CHSY3: variants seen among roughly 807,000 people sequenced by gnomAD.
CHSY3 encodes the protein chondroitin sulfate synthase 3.
CHSY3 carries 35 observed loss-of-function variants against 67.2 expected under a neutral mutation model. The observed-to-expected ratio is 0.52, with a 90% CI of 0.40 to 0.69. The LOEUF is 0.69. Among genes scored for constraint, CHSY3 ranks in the 30% least tolerant of loss-of-function variants. The probability of loss-of-function intolerance (pLI) is 0.00; values close to 1 mark genes in which losing one functional copy is unlikely to be tolerated. For synonymous variants in CHSY3, 474 were observed against 434.7 expected (o/e 1.09, Z -1.12); for missense variants, 1,069 against 1,138.5 (o/e 0.94, Z 0.88).
chr5:130,032,943 C>G (rs1764744133), intron 2 of CHSY3, among the ~76,000 whole-genome samples: 1 of 152,138 alleles, frequency 6.6e-6, no homozygotes, highest in Admixed American at 6.6e-5. Context: ...TAGACAAGTC[C>G]CATGTTGTGG....
chr5:129,950,053 A>G (rs1438062821), intron 2 of CHSY3, among the ~76,000 whole-genome samples: 1 of 151,810 alleles, frequency 6.6e-6, no homozygotes, highest in Non-Finnish European at 1.5e-5. Context: ...AGTCTCAGCT[A>G]CTCAGGAGGC....
intron 2 of CHSY3, among the ~76,000 whole-genome samples, chr5:129,931,209 A>G (rs1449310335): frequency 6.6e-6 from 1 of 152,078 alleles, no homozygotes; most frequent in African/African-American, 2.4e-5. Context: ...TTGTCCTACA[A>G]CCATTTGTGC....
At chr5:130,004,355 C>A (rs1203817561) in intron 2 of CHSY3, among the ~76,000 whole-genome samples, 1 of 152,114 alleles carries the variant, frequency 6.6e-6, no homozygotes, top group Non-Finnish European at 1.5e-5. Flanking sequence ...TCAACGTTTA[C>A]AATTTTTATA....
intron 2 of CHSY3, among the ~76,000 whole-genome samples, chr5:130,118,079 C>T (rs1390002054): frequency 6.6e-6 from 1 of 152,124 alleles, no homozygotes; most frequent in East Asian, 1.9e-4. Flanking sequence ...GACATGCCTG[C>T]TCCCTCTTCA....
intron 2 of CHSY3, among the ~76,000 whole-genome samples, chr5:129,967,696 C>T (rs1048812594): frequency 1.3e-5 from 2 of 151,758 alleles, no homozygotes; most frequent in African/African-American, 4.8e-5. Flanking sequence ...ATTAATTATA[C>T]AGAAGACGGT....
chr5:129,936,450 G>A (rs1761495468), intron 2 of CHSY3, among the ~76,000 whole-genome samples: 1 of 152,046 alleles, frequency 6.6e-6, no homozygotes, highest in Non-Finnish European at 1.5e-5. Flanking sequence ...AAGTGCCACT[G>A]CAAGGGCACT....
intron 2 of CHSY3, among the ~76,000 whole-genome samples, chr5:129,989,147 G>A (rs1763285081): frequency 6.6e-6 from 1 of 152,114 alleles, no homozygotes; most frequent in African/African-American, 2.4e-5. Flanking sequence ...TGACGGTTCT[G>A]GTGGCTGGAA....
intron 2 of CHSY3, among the ~76,000 whole-genome samples, chr5:130,159,313 C>T (rs1043032351): frequency 1.3e-5 from 2 of 151,586 alleles, no homozygotes; most frequent in African/African-American, 4.9e-5. Flanking sequence ...TACAGGCGTG[C>T]GCCACCACAC....
intron 2 of CHSY3, among the ~76,000 whole-genome samples, chr5:129,990,359 A>C (rs977394826): frequency 7.9e-6 from 1 of 127,380 alleles, no homozygotes; most frequent in Admixed American, 8.9e-5. Context: ...AATGGGGCTG[A>C]AGTGGTGTGA....
At chr5:130,001,358 A>T in intron 2 of CHSY3, 1 of 825,300 alleles carries the variant, frequency 1.2e-6, no homozygotes, top group Non-Finnish European at 1.5e-6. Context: ...CTTTCATTTT[A>T]AAATTCTTCT....
rs375121059 is a variant in CHSY3 at position 130,086,318 on chromosome 5, G to T, written c.1087-97911G>T. ...CCTGTATTGGGTGCATATATATTTA[G>T]GATAGTTAGCTCTTCTTGTTGAATT... On this transcript the variant is annotated intron_variant, in intron 2 of 2. Transcript: ENST00000305031. Among the ~76,000 whole-genome samples the T allele has an allele frequency of 1.7e-4, 26 of 152,040 alleles. No homozygotes were observed. In the East Asian group the frequency reaches 2.1e-3, roughly 12 times the overall value.
At chr5:130,054,121 T>C (rs1440611341) in intron 2 of CHSY3, among the ~76,000 whole-genome samples, 2 of 152,188 alleles carry the variant, frequency 1.3e-5, no homozygotes, top group Non-Finnish European at 2.9e-5. Context: ...TTTCACGCTT[T>C]GTATCTCTTG....
rs543548988 is a variant in CHSY3, at chr5:130,027,459, A to T, written c.1086+119099A>T. On this transcript the variant is annotated intron_variant, in intron 2 of 2. Transcript: ENST00000305031. ...GATGCATAATTGTTTTTTACATCTT[A>T]ATATATATTTTTTAATTTTATTCTT... Among the ~76,000 whole-genome samples, 44 of 152,148 alleles carry T rather than the reference A, an allele frequency of 2.9e-4. 1 individual carries two copies. The South Asian group carries it at 8.5e-3, about 29-fold the overall frequency.
intron 2 of CHSY3, among the ~76,000 whole-genome samples, chr5:129,930,128 G>C (rs1256463432): frequency 6.6e-6 from 1 of 152,074 alleles, no homozygotes; most frequent in Non-Finnish European, 1.5e-5. Flanking sequence ...GAGATCAGGA[G>C]TTGAGACCAT....
At chr5:129,969,304 A>G (rs1762566943) in intron 2 of CHSY3, among the ~76,000 whole-genome samples, 1 of 151,850 alleles carries the variant, frequency 6.6e-6, no homozygotes, top group African/African-American at 2.4e-5. Flanking sequence ...GCATATTCCA[A>G]TATGTTTAAA....
At position 129,904,792 on chromosome 5, in the gene CHSY3, C is replaced by G; in HGVS notation, c.-38C>G. On this transcript the variant is annotated 5_prime_UTR_variant, in exon 1 of 3. Transcript: ENST00000305031. ...GCCGGGGAAACCGCGTGCCGCGCCG[C>G]GACAGCCCAGCGAGCGTCCGCGCCC... The G allele has an allele frequency of 7.6e-7, 1 of 1,320,086 alleles. No individual in the cohort carries two copies. Among genetic ancestry groups the G allele is most frequent in the Non-Finnish European group, 9.7e-7 (1 of 1,035,302 alleles). 81.8% of individuals were successfully genotyped at this position (1,320,086 alleles called of 1,614,324 possible).
At chr5:130,022,916 C>T (rs1764434344) in intron 2 of CHSY3, among the ~76,000 whole-genome samples, 1 of 151,710 alleles carries the variant, frequency 6.6e-6, no homozygotes, top group Non-Finnish European at 1.5e-5. Context: ...TTTAATTCAC[C>T]TAAAATTCGG....
intron 2 of CHSY3, among the ~76,000 whole-genome samples, chr5:129,972,779 T>C (rs1218649135): frequency 6.6e-6 from 1 of 152,102 alleles, no homozygotes; most frequent in Non-Finnish European, 1.5e-5. Context: ...TTTATTTCTT[T>C]TCAAATATCT....
At chr5:130,181,996 G>GTATATA (rs139517065) in intron 2 of CHSY3, among the ~76,000 whole-genome samples, 1 of 150,122 alleles carries the variant, frequency 6.7e-6, no homozygotes, top group Admixed American at 6.7e-5. Flanking sequence ...GTGTATGTAT[G>GTATATA]TATATATATA....
Sources: gnomAD v4.1 joint callset for allele counts (sites outside exome capture counted in the v4.1 genomes callset) on GRCh38, gnomAD v4.1.1 for gene constraint, MANE v1.5 for transcripts, NCBI Gene and HGNC (gene_info 2026-07-23, HGNC 2026-07-21) for gene names.